WFDC1: variants seen among roughly 807,000 people sequenced by gnomAD.
WFDC1 encodes the protein WAP four-disulfide core domain 1, also known as WAP four-disulfide core domain protein 1.
A neutral mutation model predicts 32.9 loss-of-function variants in WFDC1; 39 were observed. The ratio of observed to expected loss-of-function variants is 1.19; its 90% CI spans 0.92 to 1.55. The LOEUF is 1.55. Ranked by LOEUF, WFDC1 falls within the 40% of genes most tolerant of loss-of-function variation. The pLI is 0.00. For missense variants in WFDC1, 386 were observed against 309.5 expected, an observed-to-expected ratio of 1.25 and a Z score of -1.85; for synonymous variants, 184 against 137.4, an observed-to-expected ratio of 1.34 and a Z score of -2.37.
intron 1 of WFDC1, among the ~76,000 whole-genome samples, chr16:84,307,673 G>A (rs998791478): frequency 1.3e-5 from 2 of 152,116 alleles, no homozygotes; most frequent in African/African-American, 4.8e-5. Context: ...AGGCTTCATC[G>A]AAAAATAAGC....
At chr16:84,311,249 C>G (rs980223987) in intron 1 of WFDC1, among the ~76,000 whole-genome samples, 4 of 145,016 alleles carry the variant, frequency 2.8e-5, no homozygotes, top group African/African-American at 1.0e-4. Context: ...AGTACTATAT[C>G]TTTTTTTTTT....
chr16:84,306,902 G>T (rs1467012464), intron 1 of WFDC1, among the ~76,000 whole-genome samples: 1 of 152,204 alleles, frequency 6.6e-6, no homozygotes, highest in African/African-American at 2.4e-5. Flanking sequence ...TCCCTAGGAG[G>T]GAGAAAAACA....
chr16:84,317,679 C>G (rs183403453), intron 2 of WFDC1: 1 of 154,004 alleles, frequency 6.5e-6, no homozygotes, highest in Non-Finnish European at 1.4e-5. Flanking sequence ...GTGCAACAAA[C>G]CTGCATGTGT....
chr16:84,317,512 T>C (rs1443003950), intron 2 of WFDC1: 2 of 152,064 alleles, frequency 1.3e-5, no homozygotes, highest in African/African-American at 4.8e-5. Context: ...CTAGAGGCAT[T>C]TGAGTTTTCG....
At chr16:84,319,600 G>C in intron 4 of WFDC1, 29 bp downstream of exon 4, 1 of 1,607,220 alleles carries the variant, frequency 6.2e-7, no homozygotes, top group Non-Finnish European at 8.5e-7. Context: ...CCCTGATCCT[G>C]GCTCCTGCCC....
intron 2 of WFDC1, among the ~76,000 whole-genome samples, chr16:84,314,124 G>A (rs780515618): frequency 5.3e-5 from 8 of 152,200 alleles, no homozygotes; most frequent in Non-Finnish European, 1.2e-4. Context: ...TCAGCACTGC[G>A]CGGGGCTGGG....
chr16:84,307,619 G>C (rs1907340870), intron 1 of WFDC1, among the ~76,000 whole-genome samples: 1 of 152,164 alleles, frequency 6.6e-6, no homozygotes, highest in Non-Finnish European at 1.5e-5. Context: ...TGGGTGAAAA[G>C]TGTTTTGCTT....
At chr16:84,308,996 C>T (rs1272873460) in intron 1 of WFDC1, among the ~76,000 whole-genome samples, 1 of 152,210 alleles carries the variant, frequency 6.6e-6, no homozygotes, top group East Asian at 1.9e-4. Flanking sequence ...TAGGGAGAAA[C>T]TGATGCTTGC....
At chr16:84,322,160 C>CGTGTGTGTGT (rs10687228) in intron 4 of WFDC1, among the ~76,000 whole-genome samples, 15,749 of 142,080 alleles carry the variant, frequency 0.11, 1,150 homozygotes, top group Non-Finnish European at 0.15. Context: ...TGTGTGTGTG[C>CGTGTGTGTGT]GTGTGTGTGT....
intron 5 of WFDC1, chr16:84,325,947 C>T (rs1908568418): frequency 6.6e-6 from 1 of 152,008 alleles, no homozygotes; most frequent in African/African-American, 2.4e-5. Context: ...TACATCCATC[C>T]ATCCACCCAT....
chr16:84,319,135 G>A (rs1250960422), intron 3 of WFDC1: 3 of 447,794 alleles, frequency 6.7e-6, no homozygotes, highest in African/African-American at 6.0e-5. Flanking sequence ...GTGTGTTTCA[G>A]GGTGTATCCG....
At chr16:84,317,903 G>A in intron 2 of WFDC1, 1 of 217,636 alleles carries the variant, frequency 4.6e-6, no homozygotes, top group African/African-American at 2.2e-5. Context: ...CCACTCTGCA[G>A]TCTGACTGAT....
At chr16:84,323,167 C>T (rs1908404292) in intron 4 of WFDC1, among the ~76,000 whole-genome samples, 1 of 152,222 alleles carries the variant, frequency 6.6e-6, no homozygotes, top group Admixed American at 6.5e-5. Flanking sequence ...TCAGCAGGCG[C>T]TGACCCACCG....
chr16:84,329,089 G>GAA (rs1567667425), intron 6 of WFDC1: 18 of 152,204 alleles, frequency 1.2e-4, no homozygotes, highest in African/African-American at 4.3e-4. Context: ...CTGATGGTAG[G>GAA]GGAGGAGTTA....
rs190664844 is a variant in WFDC1 at position 84,319,259 on chromosome 16, C to T, written c.422-172C>T. On this transcript the variant is annotated intron_variant, in intron 3 of 6. Transcript: ENST00000219454. ...GTGGGTGTGCACGTGTGCCACATGC[C>T]GCTGAGTGAGACCCAGGGCCTAGCC... is the stretch of plus-strand genomic sequence containing the variant. 1,063 of 788,232 alleles carry T rather than the reference C, an allele frequency of 1.3e-3. 8 individuals are homozygous for T. Among genetic ancestry groups the T allele is most frequent in the Non-Finnish European group, 4.7e-4 (241 of 511,090 alleles). 48.8% of individuals were successfully genotyped at this position (788,232 alleles called of 1,614,324 possible). A position where few individuals can be genotyped will look rare whatever the true frequency, so the allele number is the denominator to read the frequency against.
At chr16:84,316,084 G>C (rs1379698853) in intron 2 of WFDC1, 3 of 152,234 alleles carry the variant, frequency 2.0e-5, no homozygotes, top group Non-Finnish European at 4.4e-5. Flanking sequence ...ATATTACTAC[G>C]TTTCCCACCT....
At chr16:84,301,030 G>T (rs186149226) in intron 1 of WFDC1, among the ~76,000 whole-genome samples, 25 of 152,210 alleles carry the variant, frequency 1.6e-4, no homozygotes, top group African/African-American at 5.1e-4. Flanking sequence ...TGGAGAGAAG[G>T]CCATGCAAAG....
chr16:84,321,032 A>G (rs535510230), intron 4 of WFDC1, among the ~76,000 whole-genome samples: 1 of 152,348 alleles, frequency 6.6e-6, no homozygotes, highest in East Asian at 1.9e-4. Flanking sequence ...TGAAACAAAG[A>G]GATGCCTTTT....
At chr16:84,324,324 C>A in intron 4 of WFDC1, 95 bp from the exon 5 acceptor site, 1 of 1,191,860 alleles carries the variant, frequency 8.4e-7, no homozygotes. Flanking sequence ...GATGGGGAGA[C>A]TGAAAAACAC....
Sources: allele counts gnomAD v4.1 joint callset (sites outside exome capture counted in the v4.1 genomes callset), GRCh38; gene constraint gnomAD v4.1.1; transcripts MANE v1.5; gene names NCBI Gene and HGNC (gene_info 2026-07-23, HGNC 2026-07-21).